Variants in UBE2E2 observed in about 807,000 individuals in gnomAD.
The protein encoded by UBE2E2 is ubiquitin conjugating enzyme E2 E2.
Under a neutral mutation model 24.7 loss-of-function variants are expected in UBE2E2, and 6 were observed. That is an observed-to-expected ratio of 0.24 (90% CI 0.13 to 0.48). The LOEUF (loss-of-function observed/expected upper bound fraction) is 0.48, where lower values mean the gene tolerates loss of function less well. UBE2E2 is among the 20% of genes least tolerant of loss of function. UBE2E2 has a pLI of 0.99. For missense variants in UBE2E2, 169 were observed against 245.0 expected, an observed-to-expected ratio of 0.69 and a Z score of 2.07; for synonymous variants, 104 against 83.6, an observed-to-expected ratio of 1.24 and a Z score of -1.33.
chr3:23,381,236 A>G (rs1317041294), intron 3 of UBE2E2, among the ~76,000 whole-genome samples: 1 of 152,238 alleles, frequency 6.6e-6, no homozygotes, highest in African/African-American at 2.4e-5. Flanking sequence ...GTTAAGGTAT[A>G]GATTAGCTCT....
intron 3 of UBE2E2, among the ~76,000 whole-genome samples, chr3:23,433,065 G>A (rs982439189): frequency 5.3e-5 from 8 of 151,810 alleles, no homozygotes; most frequent in African/African-American, 1.9e-4. Flanking sequence ...GATGTGAATG[G>A]AAGGAAAAAA....
At chr3:23,442,299 TA>T (rs879794239) in intron 3 of UBE2E2, among the ~76,000 whole-genome samples, 4,889 of 147,580 alleles carry the variant, frequency 0.033, 266 homozygotes, top group African/African-American at 0.11. Flanking sequence ...TTTCTAAATT[TA>T]AAAAAAAAAA....
intron 4 of UBE2E2, among the ~76,000 whole-genome samples, chr3:23,531,036 T>C (rs1294789983): frequency 6.6e-6 from 1 of 152,196 alleles, no homozygotes; most frequent in Admixed American, 6.5e-5. Flanking sequence ...GATGTGTATG[T>C]AGGTGTCATG....
intron 3 of UBE2E2, among the ~76,000 whole-genome samples, chr3:23,265,053 CTG>C (rs1186658051): frequency 1.3e-5 from 2 of 152,110 alleles, no homozygotes; most frequent in African/African-American, 4.8e-5. Flanking sequence ...GCAAACCTCT[CTG>C]TGTAGAAATG....
chr3:23,266,602 A>C lies in UBE2E2; in HGVS notation c.227+49290A>C, dbSNP rs544215760. ...TTTTCCTTCATTTCAACTTTGCTGA[A>C]TCTGACAATTATGTGTCTTGGAGTT... On this transcript the variant is annotated intron_variant, in intron 3 of 5. Coordinates refer to ENST00000396703, the MANE Select transcript of UBE2E2 (RefSeq NM_152653.4). Among the ~76,000 whole-genome samples, 9 of 152,124 alleles carry C rather than the reference A, an allele frequency of 5.9e-5. No individual in the cohort carries two copies. The East Asian group carries it at 1.5e-3, about 26-fold the overall frequency.
chr3:23,503,015 T>G (rs1314035900), intron 4 of UBE2E2, among the ~76,000 whole-genome samples: 1 of 152,182 alleles, frequency 6.6e-6, no homozygotes, highest in African/African-American at 2.4e-5. Flanking sequence ...TACTACATTA[T>G]GGCCAAAAAG....
At chr3:23,536,248 A>G (rs1382242985) in intron 5 of UBE2E2, among the ~76,000 whole-genome samples, 1 of 152,216 alleles carries the variant, frequency 6.6e-6, no homozygotes, top group East Asian at 1.9e-4. Context: ...ACCTATTTAA[A>G]AAATGGGTAT....
intron 5 of UBE2E2, among the ~76,000 whole-genome samples, chr3:23,547,376 G>A (rs1327811213): frequency 6.6e-6 from 1 of 152,206 alleles, no homozygotes; most frequent in Non-Finnish European, 1.5e-5. Flanking sequence ...AGATTATTAA[G>A]TAGCTGACTA....
intron 3 of UBE2E2, among the ~76,000 whole-genome samples, chr3:23,220,888 A>G (rs975233279): frequency 6.6e-6 from 1 of 152,214 alleles, no homozygotes; most frequent in Non-Finnish European, 1.5e-5. Context: ...CAGTGTGTTC[A>G]TTTATACTTC....
chr3:23,208,706 A>C lies in UBE2E2; in HGVS notation c.7A>C (p.Thr3Pro). 1 of 1,606,526 alleles carries C rather than the reference A, an allele frequency of 6.2e-7. No homozygotes were observed. The highest frequency in any genetic ancestry group is 8.5e-7 in the Non-Finnish European group (1 of 1,176,894). MS[T>P]EAQRVDDSPS... is the part of the protein sequence containing the mutation. ...CTTTAATCCAGGATCTAAAATGTCC[A>C]CTGAGGCACAAAGAGTTGATGACAG... The change falls in exon 2 of 6, where the codon ACT becomes CCT. Residue 3 changes from threonine to proline, a missense_variant. Coordinates refer to ENST00000396703, the MANE Select transcript of UBE2E2 (RefSeq NM_152653.4).
intron 5 of UBE2E2, among the ~76,000 whole-genome samples, chr3:23,551,362 G>A (rs557997961): frequency 3.3e-5 from 5 of 152,170 alleles, no homozygotes; most frequent in Non-Finnish European, 7.4e-5. Flanking sequence ...TTCATGAAAT[G>A]TGAATGCTTT....
At chr3:23,305,544 T>C (rs1699217424) in intron 3 of UBE2E2, among the ~76,000 whole-genome samples, 1 of 152,102 alleles carries the variant, frequency 6.6e-6, no homozygotes, top group African/African-American at 2.4e-5. Context: ...TCAGTGAAAA[T>C]GGTGAATGAG....
chr3:23,258,650 T>C (rs527460516), intron 3 of UBE2E2, among the ~76,000 whole-genome samples: 6 of 152,002 alleles, frequency 3.9e-5, no homozygotes, highest in African/African-American at 7.2e-5. Context: ...TCCCACCACG[T>C]TGGGAGGCCG....
intron 3 of UBE2E2, among the ~76,000 whole-genome samples, chr3:23,392,370 A>G (rs966859526): frequency 1.3e-5 from 2 of 152,164 alleles, no homozygotes; most frequent in Non-Finnish European, 2.9e-5. Flanking sequence ...GTTTTCTACT[A>G]TTCAAGAGAT....
At chr3:23,266,581 C>A (rs1439492214) in intron 3 of UBE2E2, among the ~76,000 whole-genome samples, 1 of 151,912 alleles carries the variant, frequency 6.6e-6, no homozygotes. Flanking sequence ...AACATTTTTT[C>A]CTTCATTTCA....
chr3:23,326,997 A>C (rs904224527), intron 3 of UBE2E2, among the ~76,000 whole-genome samples: 1 of 152,242 alleles, frequency 6.6e-6, no homozygotes, highest in African/African-American at 2.4e-5. Context: ...TGCAAAGGAC[A>C]TGAACTCATC....
intron 3 of UBE2E2, among the ~76,000 whole-genome samples, chr3:23,382,153 A>G (rs1337486344): frequency 6.9e-6 from 1 of 144,016 alleles, no homozygotes; most frequent in Non-Finnish European, 1.5e-5. Flanking sequence ...GATTTACACT[A>G]CTCTTCATAA....
intron 3 of UBE2E2, among the ~76,000 whole-genome samples, chr3:23,426,294 C>T (rs946419867): frequency 2.0e-5 from 3 of 150,870 alleles, no homozygotes; most frequent in African/African-American, 7.3e-5. Context: ...GAATACCAAA[C>T]GAAGTAAAAA....
intron 3 of UBE2E2, among the ~76,000 whole-genome samples, chr3:23,322,332 A>G (rs896294800): frequency 5.9e-5 from 9 of 152,314 alleles, no homozygotes; most frequent in Admixed American, 5.9e-4. Flanking sequence ...AAAAAACTTT[A>G]AATACATTTA....
Sources: gnomAD v4.1 joint callset for allele counts (sites outside exome capture counted in the v4.1 genomes callset) on GRCh38, gnomAD v4.1.1 for gene constraint, MANE v1.5 for transcripts, NCBI Gene and HGNC (gene_info 2026-07-23, HGNC 2026-07-21) for gene names.